HTR2C: variants seen among roughly 807,000 people sequenced by gnomAD.
The protein encoded by HTR2C is 5-hydroxytryptamine (serotonin) receptor 2C, G protein-coupled.
In HTR2C, 5 loss-of-function variants were observed where a neutral mutation model predicts 21.0. That is an observed-to-expected ratio of 0.24 (90% confidence interval 0.12 to 0.50). The LOEUF is 0.50. HTR2C is among the 20% of genes least tolerant of loss of function. The pLI, the probability that HTR2C is intolerant of heterozygous loss-of-function variation, is 0.98. For synonymous variants in HTR2C, 150 were observed against 145.3 expected (o/e 1.03, Z -0.23); for missense variants, 271 against 371.2 (o/e 0.73, Z 2.22).
At chrX:114,689,494 T>C (rs1413079325) in intron 2 of HTR2C, among the ~76,000 whole-genome samples, 17 of 110,233 alleles carry the variant, frequency 1.5e-4, no homozygotes, top group African/African-American at 5.6e-4. Flanking sequence ...AGTGTTCCCT[T>C]TTCACCACAT....
intron 2 of HTR2C, among the ~76,000 whole-genome samples, chrX:114,637,106 T>C (rs1402179665): frequency 9.0e-6 from 1 of 111,716 alleles, no homozygotes; most frequent in Non-Finnish European, 1.9e-5. Context: ...CATAGATCTG[T>C]TGACATTTTT....
At chrX:114,850,544 G>A (rs1181612641) in intron 5 of HTR2C, among the ~76,000 whole-genome samples, 1 of 111,701 alleles carries the variant, frequency 9.0e-6, no homozygotes, top group Non-Finnish European at 1.9e-5. Flanking sequence ...GCATGTGCCT[G>A]TAGCCCTAGC....
intron 4 of HTR2C, among the ~76,000 whole-genome samples, chrX:114,752,625 T>C (rs2069771383): frequency 9.0e-6 from 1 of 111,094 alleles, no homozygotes; most frequent in African/African-American, 3.3e-5. Flanking sequence ...GCATACAGAT[T>C]GGCAAAATTC....
chrX:114,820,048 T>G (rs994773810), intron 4 of HTR2C, among the ~76,000 whole-genome samples: 13 of 109,856 alleles, frequency 1.2e-4, no homozygotes, highest in African/African-American at 3.0e-4. Context: ...ATGGAGGGGG[T>G]GTAACAAGGT....
chrX:114,706,950 A>G (rs1054023274), intron 2 of HTR2C, among the ~76,000 whole-genome samples: 1 of 110,998 alleles, frequency 9.0e-6, no homozygotes, highest in African/African-American at 3.3e-5. Context: ...ATAATTTGAT[A>G]AATTACTTAA....
At chrX:114,876,620 A>G (rs902457015) in intron 5 of HTR2C, among the ~76,000 whole-genome samples, 1 of 109,141 alleles carries the variant, frequency 9.2e-6, no homozygotes, top group Non-Finnish European at 1.9e-5. Flanking sequence ...TTTGATACCT[A>G]ATTTCTTGAG....
intron 4 of HTR2C, among the ~76,000 whole-genome samples, chrX:114,771,685 G>A: frequency 8.9e-6 from 1 of 111,735 alleles, no homozygotes. Context: ...TGGTCCTTTT[G>A]CCATTACCGA....
intron 4 of HTR2C, among the ~76,000 whole-genome samples, chrX:114,802,694 CTTTCTTT>C (rs2070359190): frequency 2.2e-5 from 2 of 90,403 alleles, no homozygotes; most frequent in Admixed American, 2.5e-4. Flanking sequence ...TTCTTTCTTT[CTTTCTTT>C]CTTTCTTTCT....
At chrX:114,784,632 C>T (rs895691329) in intron 4 of HTR2C, among the ~76,000 whole-genome samples, 1 of 106,749 alleles carries the variant, frequency 9.4e-6, no homozygotes, top group African/African-American at 3.4e-5. Flanking sequence ...CTTAAGTTGC[C>T]TTCCTTTTTT....
chrX:114,899,990 T>C (rs1390613972), intron 5 of HTR2C, among the ~76,000 whole-genome samples: 3 of 111,831 alleles, frequency 2.7e-5, no homozygotes, highest in Non-Finnish European at 5.6e-5. Context: ...TACTTTATTC[T>C]TTTTAAAGAT....
chrX:114,708,049 T>A lies in HTR2C; in HGVS notation c.-79-18809T>A, dbSNP rs189464437. On this transcript the variant is annotated intron_variant, in intron 2 of 5. Coordinates refer to ENST00000276198, the MANE Select transcript of HTR2C (RefSeq NM_000868.4). ...TAAATTTTTGCTGAGAGTTGTTTTG[T>A]TAAAAACATATATTATCAGAGTTGC... Among the ~76,000 whole-genome samples the A allele has an allele frequency of 2.5e-3, 278 of 111,569 alleles. 1 individual carries two copies. Among genetic ancestry groups the A allele is most frequent in the African/African-American group, 8.5e-3 (263 of 30,819 alleles).
chrX:114,861,198 A>G (rs1246132674), intron 5 of HTR2C, among the ~76,000 whole-genome samples: 3 of 109,529 alleles, frequency 2.7e-5, no homozygotes, highest in Non-Finnish European at 1.9e-5. Flanking sequence ...CCATCACCCA[A>G]CTCCCACTGT....
chrX:114,721,606 G>C (rs1391407212), intron 2 of HTR2C, among the ~76,000 whole-genome samples: 6 of 107,683 alleles, frequency 5.6e-5, no homozygotes, highest in African/African-American at 1.7e-4. Flanking sequence ...CCTATGTGCT[G>C]AATGGTAATG....
At position 114,726,990 on chromosome X, in the gene HTR2C, A is replaced by T; in HGVS notation, c.35+19A>T. ...CATTCCTGTAAGGATGTTACTACTT[A>T]TTATTTTAGTAAAAAGATAACTTTG... On this transcript the variant is annotated intron_variant, in intron 3 of 5. Transcript: ENST00000276198. 9.9e-7 allele frequency: 1 copy of T among 1,006,235 alleles called. No individual in the cohort carries two copies. The highest frequency in any genetic ancestry group is 1.3e-6 in the Non-Finnish European group (1 of 748,038). The allele number at this position is 1,006,235 out of a possible 1,213,427, so 82.9% of individuals were successfully genotyped here.
At chrX:114,633,961 G>GAGAGAGAGAC (rs1929746576) in intron 2 of HTR2C, among the ~76,000 whole-genome samples, 1 of 108,236 alleles carries the variant, frequency 9.2e-6, no homozygotes, top group Non-Finnish European at 1.9e-5. Context: ...GAGAGAGAGA[G>GAGAGAGAGAC]AGATGGTAGG....
At position 114,906,577 on chromosome X, in the gene HTR2C, T is replaced by G. The variant is rs200776874; in HGVS notation, c.551-12T>G. ...GATGCTATAACAACCCCCTTCCTTTTTCTTCCTTTAGGTGTATCAGTTCCT... is the reference window on the plus strand; with the variant it reads ...GATGCTATAACAACCCCCTTCCTTTGTCTTCCTTTAGGTGTATCAGTTCCT... On this transcript the variant is annotated splice_polypyrimidine_tract_variant and intron_variant, in intron 5 of 5. Coordinates refer to ENST00000276198, the MANE Select transcript of HTR2C (RefSeq NM_000868.4). 357 of 1,147,243 alleles carry G rather than the reference T, an allele frequency of 3.1e-4. No individual in the cohort carries two copies. In the South Asian group the frequency reaches 3.6e-3, roughly 12 times the overall value. The allele number at this position is 1,147,243 out of a possible 1,213,427, so 94.5% of individuals were successfully genotyped here.
intron 2 of HTR2C, among the ~76,000 whole-genome samples, chrX:114,643,178 CTT>C (rs1336983611): frequency 1.8e-5 from 2 of 110,456 alleles, no homozygotes; most frequent in Non-Finnish European, 3.8e-5. Context: ...ATAAATGAGT[CTT>C]TGCAGATTAC....
chrX:114,643,956 A>G (rs1484664407), intron 2 of HTR2C, among the ~76,000 whole-genome samples: 6 of 111,174 alleles, frequency 5.4e-5, no homozygotes, highest in Non-Finnish European at 1.1e-4. Context: ...CAATTTGGGA[A>G]CTTGTGTGTT....
intron 3 of HTR2C, among the ~76,000 whole-genome samples, chrX:114,730,364 AAG>A (rs1367363484): frequency 8.9e-6 from 1 of 111,891 alleles, no homozygotes; most frequent in Non-Finnish European, 1.9e-5. Context: ...TAAATGACTT[AAG>A]AGATTTAGTT....
Sources: allele counts gnomAD v4.1 joint callset (sites outside exome capture counted in the v4.1 genomes callset), GRCh38; gene constraint gnomAD v4.1.1; transcripts MANE v1.5; gene names NCBI Gene and HGNC (gene_info 2026-07-23, HGNC 2026-07-21).